Variants in PPP1R9A observed in about 807,000 individuals in gnomAD.
PPP1R9A encodes neurabin-1.
A neutral mutation model predicts 141.9 loss-of-function variants in PPP1R9A; 59 were observed. The observed-to-expected ratio is 0.42, with a 90% CI of 0.34 to 0.52. The LOEUF (loss-of-function observed/expected upper bound fraction) is 0.52. PPP1R9A is among the 20% of genes least tolerant of loss of function. PPP1R9A has a pLI of 0.10. For synonymous variants in PPP1R9A, 500 were observed against 569.7 expected, an observed-to-expected ratio of 0.88 and a Z score of 1.74; for missense variants, 1,444 against 1,611.9, an observed-to-expected ratio of 0.90 and a Z score of 1.78.
At chr7:95,137,521 T>G (rs1218120947) in intron 4 of PPP1R9A, among the ~76,000 whole-genome samples, 1 of 151,716 alleles carries the variant, frequency 6.6e-6, no homozygotes, top group Non-Finnish European at 1.5e-5. Context: ...CAAGTCCTGT[T>G]GAAATGAAAT....
chr7:95,267,074 C>T (rs2153042826), intron 12 of PPP1R9A, among the ~76,000 whole-genome samples: 1 of 152,256 alleles, frequency 6.6e-6, no homozygotes, highest in Non-Finnish European at 1.5e-5. Context: ...TCAAAACCTT[C>T]TCTAAATATT....
At chr7:95,183,398 C>G (rs1391850612) in intron 5 of PPP1R9A, among the ~76,000 whole-genome samples, 1 of 151,190 alleles carries the variant, frequency 6.6e-6, no homozygotes, top group Non-Finnish European at 1.5e-5. Context: ...CCTTGGCCTC[C>G]CAAAGTGCTG....
chr7:95,267,097 A>T (rs114683196), intron 12 of PPP1R9A, among the ~76,000 whole-genome samples: 1,773 of 152,256 alleles, frequency 0.012, 44 homozygotes, highest in African/African-American at 0.04. Flanking sequence ...CATTCAATGG[A>T]TGTATCTCCT....
intron 4 of PPP1R9A, among the ~76,000 whole-genome samples, chr7:95,145,723 C>A (rs1181949796): frequency 6.6e-6 from 1 of 152,040 alleles, no homozygotes; most frequent in Non-Finnish European, 1.5e-5. Context: ...ATTGTTCAAC[C>A]CCCACTTACG....
intron 6 of PPP1R9A, among the ~76,000 whole-genome samples, chr7:95,202,138 T>A (rs954800080): frequency 6.6e-6 from 1 of 152,210 alleles, no homozygotes; most frequent in East Asian, 1.9e-4. Flanking sequence ...AATATATTGC[T>A]TATGCTTAGA....
At chr7:95,265,119 C>T (rs758201580) in intron 12 of PPP1R9A, among the ~76,000 whole-genome samples, 7 of 152,080 alleles carry the variant, frequency 4.6e-5, no homozygotes, top group Non-Finnish European at 1.0e-4. Context: ...CAAAAAAAAT[C>T]CCTCAGTGTT....
chr7:95,200,942 C>T (rs58822849), intron 6 of PPP1R9A, among the ~76,000 whole-genome samples: 2,109 of 152,278 alleles, frequency 0.014, 56 homozygotes, highest in African/African-American at 0.047. Context: ...CTTGCTGGCT[C>T]CAAAGCCTGG....
intron 2 of PPP1R9A, among the ~76,000 whole-genome samples, chr7:94,995,025 A>G (rs746556683): frequency 1.1e-4 from 17 of 152,184 alleles, no homozygotes; most frequent in Non-Finnish European, 2.5e-4. Context: ...CAGTTTGCTA[A>G]TGTAGTGATG....
chr7:95,069,488 G>C (rs1162117355), intron 2 of PPP1R9A, among the ~76,000 whole-genome samples: 2 of 151,868 alleles, frequency 1.3e-5, no homozygotes, highest in African/African-American at 4.8e-5. Context: ...GGGAGAGAGA[G>C]AAGAAAGGAA....
chr7:95,162,019 T>A, intron 5 of PPP1R9A, 48 bp downstream of exon 5: 1 of 1,227,868 alleles, frequency 8.1e-7, no homozygotes, highest in East Asian at 2.6e-5. Flanking sequence ...TTTAGTTGAA[T>A]TTTAATTTTC....
chr7:95,030,534 A>G (rs1807520756), intron 2 of PPP1R9A, among the ~76,000 whole-genome samples: 2 of 152,156 alleles, frequency 1.3e-5, no homozygotes, highest in South Asian at 4.1e-4. Context: ...GATCAGGGAA[A>G]GAGACTGACA....
At chr7:94,951,024 A>ACTTT (rs899058685) in intron 2 of PPP1R9A, among the ~76,000 whole-genome samples, 1 of 152,160 alleles carries the variant, frequency 6.6e-6, no homozygotes, top group African/African-American at 2.4e-5. Context: ...CTGGGATTAC[A>ACTTT]GGTAATCACC....
At chr7:95,186,466 G>T (rs993547239) in intron 5 of PPP1R9A, among the ~76,000 whole-genome samples, 1 of 152,068 alleles carries the variant, frequency 6.6e-6, no homozygotes, top group African/African-American at 2.4e-5. Flanking sequence ...TGCAAACAGC[G>T]ACAGTTTGAC....
intron 4 of PPP1R9A, chr7:95,154,898 C>T (rs965314082): frequency 2.6e-5 from 4 of 152,084 alleles, no homozygotes; most frequent in African/African-American, 9.7e-5. Flanking sequence ...TTAAAAAATG[C>T]AACTCTCATT....
chr7:95,275,056 T>C (rs1383103016), intron 16 of PPP1R9A, among the ~76,000 whole-genome samples: 1 of 152,216 alleles, frequency 6.6e-6, no homozygotes, highest in Non-Finnish European at 1.5e-5. Flanking sequence ...TGTTACCTTA[T>C]TATTATTTGC....
chr7:95,043,707 T>C (rs1394641968), intron 2 of PPP1R9A, among the ~76,000 whole-genome samples: 2 of 152,218 alleles, frequency 1.3e-5, no homozygotes, highest in African/African-American at 4.8e-5. Flanking sequence ...CTTTTCTTTA[T>C]CTACTATTGT....
intron 13 of PPP1R9A, 27 bp from the exon 14 acceptor site, chr7:95,269,180 C>A: frequency 6.7e-7 from 1 of 1,491,054 alleles, no homozygotes; most frequent in South Asian, 1.2e-5. Context: ...GTGGCATAAC[C>A]TTCCTTATAA....
chr7:95,144,055 A>T (rs910437453), intron 4 of PPP1R9A, among the ~76,000 whole-genome samples: 3 of 152,160 alleles, frequency 2.0e-5, no homozygotes, highest in African/African-American at 7.2e-5. Flanking sequence ...ACAATATGTT[A>T]TTGTTAACTA....
At chr7:95,049,581 T>C (rs1563166456) in intron 2 of PPP1R9A, among the ~76,000 whole-genome samples, 1 of 152,170 alleles carries the variant, frequency 6.6e-6, no homozygotes, top group African/African-American at 2.4e-5. Flanking sequence ...TCACTGTTAG[T>C]GTTGTATTTT....
Sources: allele counts gnomAD v4.1 joint callset (sites outside exome capture counted in the v4.1 genomes callset), GRCh38; gene constraint gnomAD v4.1.1; transcripts MANE v1.5; gene names NCBI Gene and HGNC (gene_info 2026-07-23, HGNC 2026-07-21).